DNAH14: variants seen among roughly 807,000 people sequenced by gnomAD.
The protein encoded by DNAH14 is dynein axonemal heavy chain 14, also known as axonemal beta dynein heavy chain 14.
Under a neutral mutation model 520.9 loss-of-function variants are expected in DNAH14, and 478 were observed. The observed-to-expected ratio is 0.92, with a 90% CI of 0.85 to 0.99. The LOEUF (loss-of-function observed/expected upper bound fraction) is 0.99. DNAH14 is among the 50% of genes least tolerant of loss of function. The pLI is 0.00. For synonymous variants in DNAH14, 1,581 were observed against 1,757.2 expected (o/e 0.90, Z 2.51); for missense variants, 4,831 against 5,234.5 (o/e 0.92, Z 2.38).
intron 12 of DNAH14, among the ~76,000 whole-genome samples, chr1:225,040,299 A>G (rs1457962770): frequency 6.6e-6 from 1 of 152,190 alleles, no homozygotes; most frequent in Non-Finnish European, 1.5e-5. Context: ...ATTCACATGT[A>G]TTAGTGAAAA....
At chr1:225,339,770 T>C (rs962248682) in intron 68 of DNAH14, among the ~76,000 whole-genome samples, 1 of 152,170 alleles carries the variant, frequency 6.6e-6, no homozygotes, top group African/African-American at 2.4e-5. Flanking sequence ...AGCTTCAATT[T>C]CACCCTTCAT....
At chr1:225,092,399 A>G (rs2074477339) in intron 21 of DNAH14, among the ~76,000 whole-genome samples, 1 of 152,188 alleles carries the variant, frequency 6.6e-6, no homozygotes, top group South Asian at 2.1e-4. Flanking sequence ...ATACAATTAC[A>G]TGGAAATTGA....
chr1:225,183,377 G>A (rs531903372), intron 36 of DNAH14, among the ~76,000 whole-genome samples: 3 of 152,324 alleles, frequency 2.0e-5, no homozygotes, highest in African/African-American at 7.2e-5. Flanking sequence ...AGAGGCCATG[G>A]GCAGTGTGGT....
chr1:225,325,920 C>T (rs1301786696), intron 64 of DNAH14, among the ~76,000 whole-genome samples: 3 of 152,250 alleles, frequency 2.0e-5, no homozygotes, highest in South Asian at 2.1e-4. Flanking sequence ...ACCTGTTTGG[C>T]CCCATAGGCA....
chr1:225,318,030 C>T (rs1421716799), intron 60 of DNAH14, among the ~76,000 whole-genome samples: 1 of 152,166 alleles, frequency 6.6e-6, no homozygotes, highest in Non-Finnish European at 1.5e-5. Context: ...ACTTTTTAGC[C>T]AGATCTCAAA....
Position 225,323,460 on chromosome 1 carries a change from T to G in DNAH14, c.9495+637T>G, listed in dbSNP as rs80125346. ...TCCTGATACTAGGTTTTGTTGTTGTTTTGTTTTGTTTTTTGTTTTTTGTTT... is the reference window on the plus strand; with the variant it reads ...TCCTGATACTAGGTTTTGTTGTTGTGTTGTTTTGTTTTTTGTTTTTTGTTT... On this transcript the variant is annotated intron_variant, in intron 62 of 85. Transcript: ENST00000682510. Among the ~76,000 whole-genome samples the G allele has an allele frequency of 3.8e-5, 5 of 130,156 alleles. No individual in the cohort carries two copies. In the East Asian group the frequency reaches 1.4e-3, roughly 36 times the overall value. The allele number at this position is 130,156 out of a possible 152,430, so 85.4% of individuals were successfully genotyped here.
At chr1:225,256,814 A>G (rs1175784146) in intron 44 of DNAH14, among the ~76,000 whole-genome samples, 1 of 152,152 alleles carries the variant, frequency 6.6e-6, no homozygotes, top group African/African-American at 2.4e-5. Context: ...CTTACATAAA[A>G]CACCAAGCAG....
In DNAH14 at chr1:225,304,758, T is replaced by A. The variant is rs988340744; in HGVS notation, c.8824-150T>A. The stretch of plus-strand genomic sequence containing the variant: ...CCATCCCAACCATCAAAACTCATAT[T>A]TTCTTTGTCCTGCTCATCCGGGAGC... On this transcript the variant is annotated intron_variant, in intron 57 of 85. Transcript: ENST00000682510. 2.5e-5 allele frequency: 18 copies of A among 729,274 alleles called. No homozygotes were observed. In the Admixed American group the frequency reaches 4.4e-4, roughly 18 times the overall value. The allele number at this position is 729,274 out of a possible 1,614,324, so 45.2% of individuals were successfully genotyped here. A position where few individuals can be genotyped will look rare whatever the true frequency, so the allele number is the denominator to read the frequency against.
At chr1:225,353,607 T>C (rs2095396252) in intron 72 of DNAH14, among the ~76,000 whole-genome samples, 196 bp from the exon 73 acceptor site, 1 of 152,000 alleles carries the variant, frequency 6.6e-6, no homozygotes, top group Non-Finnish European at 1.5e-5. Flanking sequence ...TATCTTAACA[T>C]CTCCCTCTTT....
chr1:225,085,465 T>G (rs1488467546), intron 20 of DNAH14, 79 bp from the exon 21 acceptor site: 1 of 1,292,396 alleles, frequency 7.7e-7, no homozygotes, highest in Non-Finnish European at 1.1e-6. Context: ...TTTCAAAACT[T>G]GCATTTAAAA....
At chr1:224,997,925 A>G (rs2063503015) in intron 8 of DNAH14, among the ~76,000 whole-genome samples, 1 of 152,186 alleles carries the variant, frequency 6.6e-6, no homozygotes, top group Non-Finnish European at 1.5e-5. Flanking sequence ...TGGGAATTGA[A>G]CAATGAGAAC....
chr1:225,142,578 G>T (rs1357512134), intron 28 of DNAH14, among the ~76,000 whole-genome samples: 2 of 152,142 alleles, frequency 1.3e-5, no homozygotes, highest in Non-Finnish European at 2.9e-5. Flanking sequence ...TGATCCCAAG[G>T]TTTGGTAAGT....
intron 17 of DNAH14, among the ~76,000 whole-genome samples, chr1:225,058,301 T>G (rs973406510): frequency 2.6e-5 from 4 of 152,222 alleles, no homozygotes; most frequent in Non-Finnish European, 5.9e-5. Flanking sequence ...CTTCTAGATT[T>G]TCTAGTTTAT....
chr1:224,944,093 G>A (rs1302033301), intron 1 of DNAH14, among the ~76,000 whole-genome samples: 1 of 151,996 alleles, frequency 6.6e-6, no homozygotes, highest in African/African-American at 2.4e-5. Flanking sequence ...TTGACAGTGG[G>A]GTGTTAAAGT....
intron 56 of DNAH14, 142 bp downstream of exon 56, chr1:225,301,172 C>A: frequency 1.2e-6 from 1 of 838,322 alleles, no homozygotes; most frequent in Non-Finnish European, 1.8e-6. Context: ...GGTACCCTAC[C>A]TACAGACAAC....
At chr1:225,392,152 T>C (rs1442480050) in intron 83 of DNAH14, 139 bp from the exon 84 acceptor site, 1 of 1,095,318 alleles carries the variant, frequency 9.1e-7, no homozygotes, top group East Asian at 2.6e-5. Context: ...GGTCCTCTGC[T>C]CCCGCCCAGC....
intron 23 of DNAH14, among the ~76,000 whole-genome samples, chr1:225,105,604 C>G (rs2075973801): frequency 6.6e-6 from 1 of 152,134 alleles, no homozygotes; most frequent in Non-Finnish European, 1.5e-5. Context: ...GGATAGTTAG[C>G]TCTTCTTGTT....
intron 64 of DNAH14, among the ~76,000 whole-genome samples, chr1:225,325,288 C>A (rs976772030): frequency 6.6e-6 from 1 of 151,804 alleles, no homozygotes; most frequent in African/African-American, 2.4e-5. Flanking sequence ...AGTTCGAAAC[C>A]AGCCTGGCCA....
rs2095534373 is a variant in DNAH14 at position 225,364,899 on chromosome 1, G to A, written c.12090+5G>A. 1 of 1,536,192 alleles carries A rather than the reference G, an allele frequency of 6.5e-7. No individual in the cohort carries two copies. The highest frequency in any genetic ancestry group is 1.2e-5 in the South Asian group (1 of 82,060). On this transcript the variant is annotated splice_donor_5th_base_variant and intron_variant, in intron 76 of 85. Coordinates refer to ENST00000682510, the MANE Select transcript of DNAH14 (RefSeq NM_001367479.1). ...GTTCTTAAAAAGGGTTTAAAGGTAA[G>A]AACAAAGTATAACAGATTTAATGTT... is the stretch of plus-strand genomic sequence containing the variant.
Sources: allele counts gnomAD v4.1 joint callset (sites outside exome capture counted in the v4.1 genomes callset), GRCh38; gene constraint gnomAD v4.1.1; transcripts MANE v1.5; gene names NCBI Gene and HGNC (gene_info 2026-07-23, HGNC 2026-07-21).